Variants in DUOX2 observed in about 807,000 individuals in gnomAD.
DUOX2 encodes dual oxidase 2.
DUOX2 carries 185 observed loss-of-function variants against 183.3 expected under a neutral mutation model. The observed-to-expected ratio is 1.01, with a 90% CI of 0.90 to 1.14. The LOEUF is 1.14. Ranked by LOEUF, DUOX2 falls within the 50% of genes most tolerant of loss-of-function variation. DUOX2 has a pLI of 0.00. For missense variants in DUOX2, 1,999 were observed against 2,022.9 expected (o/e 0.99, Z 0.23); for synonymous variants, 788 against 812.4 (o/e 0.97, Z 0.51).
At chr15:45,111,626 C>T in intron 5 of DUOX2, 41 bp from the exon 6 acceptor site, 7 of 1,494,218 alleles carry the variant, frequency 4.7e-6, no homozygotes, top group Non-Finnish European at 5.3e-6. Context: ...CGAGAGGCGG[C>T]GGCGGGCCAG....
intron 33 of DUOX2, 68 bp from the exon 34 acceptor site, chr15:45,094,340 G>A (rs1893843564): frequency 1.2e-6 from 2 of 1,608,918 alleles, no homozygotes; most frequent in Non-Finnish European, 1.7e-6. Flanking sequence ...GGGAAAAGCT[G>A]CTTCCTGAGC....
intron 9 of DUOX2, 60 bp from the exon 10 acceptor site, chr15:45,110,040 G>T: frequency 6.7e-7 from 1 of 1,500,956 alleles, no homozygotes; most frequent in Non-Finnish European, 9.3e-7. Flanking sequence ...AGATGGGGTT[G>T]AGTGGGCTGA....
intron 11 of DUOX2, 92 bp downstream of exon 11, chr15:45,109,432 C>T (rs1312965643): frequency 2.4e-5 from 25 of 1,061,550 alleles, no homozygotes; most frequent in Non-Finnish European, 3.4e-5. Context: ...GTTCCTGCAT[C>T]GTGAGCGCCC....
At chr15:45,097,826 C>G (rs914285173) in intron 27 of DUOX2, 85 bp from the exon 28 acceptor site, 19 of 1,605,500 alleles carry the variant, frequency 1.2e-5, no homozygotes, top group Non-Finnish European at 1.5e-5. Context: ...CCTATCCTTC[C>G]CTCCTTCCTC....
Position 45,112,736 on chromosome 15 carries a change from G to T in DUOX2, c.161-18C>A. ...CCGGCAGCCTGCGGAGGCAGGGAGC[G>T]GGGCTCTGTCTAAGCACTCCATCCC... is the stretch of plus-strand genomic sequence containing the variant. On this transcript the variant is annotated intron_variant, in intron 3 of 33. Coordinates refer to ENST00000389039, the MANE Select transcript of DUOX2 (RefSeq NM_001363711.2). 1.2e-6 allele frequency: 2 copies of T among 1,610,038 alleles called. No individual in the cohort carries two copies. The highest frequency in any genetic ancestry group is 8.5e-7 in the Non-Finnish European group (1 of 1,179,856).
intron 18 of DUOX2, among the ~76,000 whole-genome samples, chr15:45,105,359 A>G (rs150400635): frequency 5.5e-3 from 840 of 152,302 alleles, no homozygotes; most frequent in African/African-American, 9.6e-3. Flanking sequence ...TCTGTGTACC[A>G]CTCATGTAGA....
intron 11 of DUOX2, chr15:45,109,258 C>G (rs1163977825): frequency 1.7e-6 from 1 of 599,318 alleles, no homozygotes; most frequent in African/African-American, 1.9e-5. Context: ...CCTTTAGAGA[C>G]CTAATTAAGC....
At chr15:45,107,850 CA>C (rs36025213) in intron 13 of DUOX2, among the ~76,000 whole-genome samples, 196 bp downstream of exon 13, 134 of 48,856 alleles carry the variant, frequency 2.7e-3, no homozygotes, top group South Asian at 0.024. Flanking sequence ...GACTCTGCCT[CA>C]AAAAAAAAAA....
intron 29 of DUOX2, among the ~76,000 whole-genome samples, 155 bp downstream of exon 29, chr15:45,097,083 C>T (rs1157200684): frequency 1.3e-5 from 2 of 152,192 alleles, no homozygotes; most frequent in East Asian, 3.8e-4. Flanking sequence ...TATCAGGAAA[C>T]CTTCAGGAAC....
intron 23 of DUOX2, 23 bp downstream of exon 23, chr15:45,100,732 C>T: frequency 6.2e-7 from 1 of 1,608,736 alleles, no homozygotes; most frequent in Non-Finnish European, 8.5e-7. Context: ...CTCTTTGGGC[C>T]CAGGGATTTG....
chr15:45,099,338 G>A, intron 26 of DUOX2, 45 bp downstream of exon 26: 8 of 1,563,006 alleles, frequency 5.1e-6, no homozygotes, highest in African/African-American at 1.4e-5. Context: ...TTATACCCTT[G>A]GGCCCACCCT....
chr15:45,100,106 A>C lies in DUOX2; in HGVS notation c.3128T>G (p.Val1043Gly). Residue 1043 changes from valine to glycine, a missense_variant, in exon 24 of 34, where the codon GTG becomes GGG. Around this residue, in one of 3 missense-constraint regions of DUOX2, gnomAD observed 1,628 missense variants for 1,608.6 expected, o/e 1.01. Coordinates refer to ENST00000389039, the MANE Select transcript of DUOX2 (RefSeq NM_001363711.2). ...GATGGCCGAGAAGATTGCCACACAC[A>C]CGATGTGCCTCCGGTAGTTCTCCAC... ...RFVENYRRHI[V>G]CVAIFSAICV... is the part of the protein sequence containing the mutation. 3 of 1,614,192 alleles carry C rather than the reference A, an allele frequency of 1.9e-6. No individual in the cohort carries two copies. Among genetic ancestry groups the C allele is most frequent in the Non-Finnish European group, 2.5e-6 (3 of 1,180,024 alleles).
rs767491112 is a variant in DUOX2 at position 45,111,991 on chromosome 15, C to CCGTA, written c.326-40_326-37dup. The CCGTA allele has an allele frequency of 1.6e-5, 26 of 1,607,270 alleles. No homozygotes were observed. The South Asian group carries it at 2.9e-4, about 18-fold the overall frequency. On this transcript the variant is annotated intron_variant, in intron 4 of 33. Transcript: ENST00000389039. ...GGGGCGCCAATACGTGACAAACCGTCCGTATTGCGCCCTCCCCACGGCCAG... is the reference window on the plus strand; with the variant it reads ...GGGGCGCCAATACGTGACAAACCGTCCGTACGTATTGCGCCCTCCCCACGGCCAG...
rs1894212891 is a variant in DUOX2, at chr15:45,106,319, A to G, written c.1954T>C (p.Trp652Arg). Reference sequence around the variant, plus strand: ...CTGCTCCTCTCCTTGGGGCCTGGCCACTCCATCGCTGGGGAAGGGATAATT... The same window carrying G: ...CTGCTCCTCTCCTTGGGGCCTGGCCGCTCCATCGCTGGGGAAGGGATAATT... ...AAKDGVPAME[W>R]PGPKERSSPI... Residue 652 changes from tryptophan (W) to arginine (R), a missense_variant, in exon 17 of 34, where the codon TGG becomes CGG. Physicochemically the swap from Trp to Arg is moderately radical, Grantham distance 101. Transcript: ENST00000389039. The G allele has an allele frequency of 6.2e-7, 1 of 1,613,922 alleles. No individual in the cohort carries two copies. The highest frequency in any genetic ancestry group is 8.5e-7 in the Non-Finnish European group (1 of 1,180,008).
In DUOX2 at chr15:45,099,844, A is replaced by C; in HGVS notation, c.3233T>G (p.Val1078Gly). 1 of 1,614,206 alleles carries C rather than the reference A, an allele frequency of 6.2e-7. No individual in the cohort carries two copies. The highest frequency in any genetic ancestry group is 8.5e-7 in the Non-Finnish European group (1 of 1,180,034). Reference sequence around the variant, plus strand: ...CGTGCCTCGTGACAGGATGATGCCCACGAGGGTGGTCTGTGCAATGTCCGA... The same window carrying C: ...CGTGCCTCGTGACAGGATGATGCCCCCGAGGGTGGTCTGTGCAATGTCCGA... ...PPSDIAQTTL[V>G]GIILSRGTAA... Residue 1078 changes from valine (V) to glycine (G), a missense_variant, in exon 25 of 34, where the codon GTG becomes GGG. By Grantham distance (109) the Val-to-Gly change is moderately radical. This residue lies in a region of DUOX2 where 1,628 missense variants were observed against 1,608.6 expected (regional missense o/e 1.01). Coordinates refer to ENST00000389039, the MANE Select transcript of DUOX2 (RefSeq NM_001363711.2).
rs1395208249 is a variant in DUOX2 at position 45,100,722 on chromosome 15, C to A, written c.3005+33G>T. 1.9e-6 allele frequency: 3 copies of A among 1,593,154 alleles called. No individual in the cohort carries two copies. In the African/African-American group the frequency reaches 4.0e-5, roughly 21 times the overall value. ...GGGACCCTAAGACTTCTCTCCATGTCTCTTTGGGCCCAGGGATTTGGGAGA... is the reference window on the plus strand; with the variant it reads ...GGGACCCTAAGACTTCTCTCCATGTATCTTTGGGCCCAGGGATTTGGGAGA... On this transcript the variant is annotated intron_variant, in intron 23 of 33. Transcript: ENST00000389039.
intron 2 of DUOX2, 131 bp from the exon 3 acceptor site, chr15:45,113,207 G>T: frequency 4.1e-6 from 6 of 1,447,150 alleles, no homozygotes; most frequent in Non-Finnish European, 5.7e-6. Context: ...GGCCGCACTG[G>T]GAAGTTTCCC....
intron 11 of DUOX2, 54 bp from the exon 12 acceptor site, chr15:45,109,006 C>T (rs1595526991): frequency 1.9e-6 from 3 of 1,607,090 alleles, no homozygotes; most frequent in Non-Finnish European, 2.6e-6. Context: ...TCCTTTTTTG[C>T]CCTGCAGCCT....
In DUOX2 at chr15:45,099,842, C is replaced by A; in HGVS notation, c.3235G>T (p.Gly1079Cys). 1 of 1,614,118 alleles carries A rather than the reference C, an allele frequency of 6.2e-7. No homozygotes were observed. Among genetic ancestry groups the A allele is most frequent in the Non-Finnish European group, 8.5e-7 (1 of 1,180,024 alleles). The change falls in exon 25 of 34, where the codon GGC becomes TGC. Residue 1079 changes from glycine to cysteine, a missense_variant. Around this residue, in one of 3 missense-constraint regions of DUOX2, gnomAD observed 1,628 missense variants for 1,608.6 expected, o/e 1.01. Transcript: ENST00000389039. ...GCCGTGCCTCGTGACAGGATGATGCCCACGAGGGTGGTCTGTGCAATGTCC... is the reference window on the plus strand; with the variant it reads ...GCCGTGCCTCGTGACAGGATGATGCACACGAGGGTGGTCTGTGCAATGTCC... ...PSDIAQTTLV[G>C]IILSRGTAAS...
Sources: allele counts gnomAD v4.1 joint callset (sites outside exome capture counted in the v4.1 genomes callset), GRCh38; gene constraint gnomAD v4.1.1; regional missense constraint gnomAD v4.1.1; transcripts MANE v1.5; gene names NCBI Gene and HGNC (gene_info 2026-07-23, HGNC 2026-07-21).